The following SLIT3 variants were observed in gnomAD, a reference collection of about 807,000 sequenced individuals.
SLIT3 encodes slit guidance ligand 3, also known as slit homolog 3 protein.
A neutral mutation model predicts 184.0 loss-of-function variants in SLIT3; 68 were observed. That is an observed-to-expected ratio of 0.37 (90% CI 0.30 to 0.45). The LOEUF is 0.45. SLIT3 is among the 20% of genes least tolerant of loss of function. The pLI, the probability that SLIT3 is intolerant of heterozygous loss-of-function variation, is 1.00. For synonymous variants in SLIT3, 831 were observed against 828.6 expected (o/e 1.00, Z -0.05); for missense variants, 1,707 against 2,026.0 (o/e 0.84, Z 3.02).
chr5:169,252,533 C>T (rs771684819), intron 1 of SLIT3, among the ~76,000 whole-genome samples: 12 of 152,116 alleles, frequency 7.9e-5, no homozygotes, highest in Non-Finnish European at 7.4e-5. Flanking sequence ...CAAGACTGAA[C>T]GCCAAAAAAA....
At chr5:169,031,588 G>T (rs141964218) in intron 4 of SLIT3, among the ~76,000 whole-genome samples, 3 of 152,196 alleles carry the variant, frequency 2.0e-5, no homozygotes, top group Non-Finnish European at 4.4e-5. Flanking sequence ...GAACAGCACC[G>T]TCTGGCATGA....
intron 10 of SLIT3, among the ~76,000 whole-genome samples, chr5:168,795,296 C>T (rs1021426777): frequency 3.9e-5 from 6 of 152,168 alleles, no homozygotes; most frequent in African/African-American, 9.7e-5. Context: ...AGGCTCTTAG[C>T]GCTACATGTC....
intron 4 of SLIT3, among the ~76,000 whole-genome samples, chr5:169,090,802 C>G (rs527777578): frequency 6.6e-6 from 1 of 152,134 alleles, no homozygotes; most frequent in Non-Finnish European, 1.5e-5. Flanking sequence ...CTGGAGGAGA[C>G]GGGGAACAAA....
intron 4 of SLIT3, among the ~76,000 whole-genome samples, chr5:169,156,798 T>C (rs1345402249): frequency 2.0e-5 from 3 of 152,168 alleles, no homozygotes. Context: ...TTCATCACAC[T>C]GAGTTGAATT....
intron 12 of SLIT3, among the ~76,000 whole-genome samples, chr5:168,782,260 G>C (rs1188370575): frequency 6.6e-6 from 1 of 152,132 alleles, no homozygotes; most frequent in African/African-American, 2.4e-5. Context: ...AGACCACCTG[G>C]AGCGGGTTTA....
intron 4 of SLIT3, among the ~76,000 whole-genome samples, chr5:168,990,236 C>T (rs1185145977): frequency 6.6e-6 from 1 of 152,228 alleles, no homozygotes; most frequent in East Asian, 1.9e-4. Flanking sequence ...TCTCTTCCCA[C>T]AATCTCTCCT....
At chr5:168,785,383 C>T (rs1468623173) in intron 12 of SLIT3, among the ~76,000 whole-genome samples, 1 of 152,294 alleles carries the variant, frequency 6.6e-6, no homozygotes, top group East Asian at 1.9e-4. Flanking sequence ...ACAACCCTTC[C>T]TTTAAATTAA....
chr5:169,056,393 A>G (rs1444755608), intron 4 of SLIT3, among the ~76,000 whole-genome samples: 5 of 152,132 alleles, frequency 3.3e-5, no homozygotes, highest in African/African-American at 4.8e-5. Flanking sequence ...TTAAATATAT[A>G]TGTTTACGCA....
intron 22 of SLIT3, 93 bp downstream of exon 22, chr5:168,722,840 C>A: frequency 1.1e-6 from 1 of 952,072 alleles, no homozygotes; most frequent in Non-Finnish European, 1.7e-6. Flanking sequence ...GTCATTAGGG[C>A]AGAGAAACTA....
intron 4 of SLIT3, among the ~76,000 whole-genome samples, chr5:169,179,139 T>C (rs1475885535): frequency 6.6e-6 from 1 of 152,104 alleles, no homozygotes; most frequent in Non-Finnish European, 1.5e-5. Context: ...TTTTAGAAGA[T>C]ATGGTTCATT....
intron 4 of SLIT3, among the ~76,000 whole-genome samples, chr5:168,892,235 T>A (rs1261021806): frequency 6.6e-6 from 1 of 152,240 alleles, no homozygotes; most frequent in Non-Finnish European, 1.5e-5. Flanking sequence ...GTAATCAATA[T>A]AAACATTTAT....
intron 4 of SLIT3, among the ~76,000 whole-genome samples, chr5:168,903,618 T>C (rs922791980): frequency 7.9e-5 from 12 of 152,110 alleles, no homozygotes; most frequent in African/African-American, 2.7e-4. Flanking sequence ...AGCAGGGTCT[T>C]CAGGAATGGT....
intron 4 of SLIT3, among the ~76,000 whole-genome samples, chr5:169,063,414 A>G (rs911135534): frequency 3.3e-5 from 5 of 152,250 alleles, no homozygotes; most frequent in African/African-American, 4.8e-5. Flanking sequence ...TACCCCTTCA[A>G]TCCTTCCCAC....
At chr5:168,913,170 C>T (rs1761310628) in intron 4 of SLIT3, among the ~76,000 whole-genome samples, 1 of 149,912 alleles carries the variant, frequency 6.7e-6, no homozygotes, top group Non-Finnish European at 1.5e-5. Context: ...AAACTAATTG[C>T]AGTTTTTGCC....
chr5:168,801,543 G>A (rs1443622924), intron 9 of SLIT3, among the ~76,000 whole-genome samples: 4 of 152,132 alleles, frequency 2.6e-5, no homozygotes, highest in African/African-American at 9.7e-5. Flanking sequence ...CAGAAGATAC[G>A]AGACACGGGA....
intron 4 of SLIT3, among the ~76,000 whole-genome samples, chr5:169,139,672 A>G (rs891956880): frequency 1.3e-5 from 2 of 152,220 alleles, no homozygotes; most frequent in Admixed American, 1.3e-4. Context: ...TGAGCAAAAT[A>G]CACCAGGAAA....
chr5:168,937,387 G>A (rs896396472), intron 4 of SLIT3, among the ~76,000 whole-genome samples: 5 of 152,186 alleles, frequency 3.3e-5, no homozygotes, highest in African/African-American at 1.2e-4. Flanking sequence ...TGAATTGAAC[G>A]AAGAGAAGAC....
chr5:169,034,912 AGTGTGTGTGTGTGTGTGTGT>A (rs112102059), intron 4 of SLIT3, among the ~76,000 whole-genome samples: 22 of 132,318 alleles, frequency 1.7e-4, no homozygotes, highest in African/African-American at 4.6e-4. Flanking sequence ...ACGCCCAGCT[AGTGTGTGTGTGTGTGTGTGT>A]GTGTGTGTGT....
chr5:168,990,440 C>T (rs1755280127), intron 4 of SLIT3, among the ~76,000 whole-genome samples: 1 of 152,222 alleles, frequency 6.6e-6, no homozygotes, highest in Non-Finnish European at 1.5e-5. Flanking sequence ...ACATGGCGGG[C>T]TTCACCTCTC....
Sources: gnomAD v4.1 joint callset for allele counts (sites outside exome capture counted in the v4.1 genomes callset) on GRCh38, gnomAD v4.1.1 for gene constraint, MANE v1.5 for transcripts, NCBI Gene and HGNC (gene_info 2026-07-23, HGNC 2026-07-21) for gene names.